SV2C: variants seen among roughly 807,000 people sequenced by gnomAD.
SV2C encodes the protein synaptic vesicle glycoprotein 2C, also known as solute carrier family 22 member B3.
In SV2C, 49 loss-of-function variants were observed where a neutral mutation model predicts 79.7. That is an observed-to-expected ratio of 0.61 (90% CI 0.49 to 0.78). The LOEUF (loss-of-function observed/expected upper bound fraction) is 0.78. Among genes scored for constraint, SV2C ranks in the 30% least tolerant of loss-of-function variants. SV2C has a pLI of 0.00. For synonymous variants in SV2C, 334 were observed against 333.2 expected (o/e 1.00, Z -0.03); for missense variants, 833 against 912.9 (o/e 0.91, Z 1.13).
intron 4 of SV2C, among the ~76,000 whole-genome samples, chr5:76,249,988 G>A (rs1746064549): frequency 6.6e-6 from 1 of 152,192 alleles, no homozygotes; most frequent in Non-Finnish European, 1.5e-5. Context: ...CTGAACGTTT[G>A]CTTTGTGGAA....
intron 12 of SV2C, among the ~76,000 whole-genome samples, chr5:76,305,336 T>C (rs533404166): frequency 6.6e-6 from 1 of 152,186 alleles, no homozygotes; most frequent in East Asian, 1.9e-4. Context: ...ATAGGACACA[T>C]CTTCTTCTAC....
At chr5:76,012,090 G>A in the SV2C span, among the ~76,000 whole-genome samples, 6 of 152,198 alleles carry the variant, frequency 3.9e-5, no homozygotes, top group African/African-American at 7.2e-5. Context: ...TGTCTTTATA[G>A]TAGAATGAGT....
chr5:76,200,850 A>C (rs183477481), intron 3 of SV2C, among the ~76,000 whole-genome samples: 142 of 152,270 alleles, frequency 9.3e-4, no homozygotes, highest in Middle Eastern at 3.4e-3. Flanking sequence ...CTATGTTGCC[A>C]AGGCTGGTTT....
At chr5:76,180,071 C>T (rs1468624963) in intron 2 of SV2C, among the ~76,000 whole-genome samples, 1 of 152,178 alleles carries the variant, frequency 6.6e-6, no homozygotes, top group Non-Finnish European at 1.5e-5. Flanking sequence ...GTTTTCCTGC[C>T]ATACACAATC....
rs1445573650 is a variant in SV2C at position 76,330,824 on chromosome 5, T to C, written c.*5277T>C. 7.8e-6 allele frequency: 1 copy of C among 127,550 alleles called. No homozygotes were observed. Among genetic ancestry groups the C allele is most frequent in the Non-Finnish European group, 1.6e-5 (1 of 64,238 alleles). 7.9% of individuals were successfully genotyped at this position (127,550 alleles called of 1,614,324 possible). On this transcript the variant is annotated 3_prime_UTR_variant, in exon 13 of 13. Transcript: ENST00000502798. ...CAAGGAAAAGAATCAGGAGCAGAGA[T>C]AGCCCCATCTCTCTAGAGCATTTTT...
chr5:76,168,926 G>A (rs1293625769), intron 2 of SV2C, among the ~76,000 whole-genome samples: 1 of 152,032 alleles, frequency 6.6e-6, no homozygotes, highest in East Asian at 1.9e-4. Context: ...ATTTATCCTG[G>A]GGATCTCATT....
At chr5:75,876,196 A>G in the SV2C span, among the ~76,000 whole-genome samples, 1 of 152,198 alleles carries the variant, frequency 6.6e-6, no homozygotes, top group Non-Finnish European at 1.5e-5. Flanking sequence ...CAGATTGCAT[A>G]AAGAAAACAT....
chr5:76,346,642 T>C (rs1749549931), intron 12 of SV2C, among the ~76,000 whole-genome samples: 1 of 152,248 alleles, frequency 6.6e-6, no homozygotes, highest in Admixed American at 6.5e-5. Flanking sequence ...GATTAATGCA[T>C]GTATATATTT....
chr5:76,022,650 C>G, the SV2C span, among the ~76,000 whole-genome samples: 1 of 152,194 alleles, frequency 6.6e-6, no homozygotes, highest in Admixed American at 6.5e-5. Context: ...ATTCTCAAAG[C>G]TGTCTGCACC....
At chr5:76,347,212 A>G (rs6864385) in intron 12 of SV2C, among the ~76,000 whole-genome samples, 8,488 of 152,046 alleles carry the variant, frequency 0.056, 505 homozygotes, top group African/African-American at 0.15. Flanking sequence ...GGGCCTTTTT[A>G]CCCCCATTTG....
At chr5:76,268,463 G>A (rs143679688) in intron 4 of SV2C, among the ~76,000 whole-genome samples, 1 of 152,284 alleles carries the variant, frequency 6.6e-6, no homozygotes, top group Middle Eastern at 3.4e-3. Flanking sequence ...GTGTGGGCCC[G>A]TCCCGCTGCA....
At chr5:75,914,341 T>G in the SV2C span, among the ~76,000 whole-genome samples, 1 of 152,238 alleles carries the variant, frequency 6.6e-6, no homozygotes, top group Non-Finnish European at 1.5e-5. Context: ...CATACCCATA[T>G]TTTGTCAGTT....
chr5:76,033,883 T>G, the SV2C span, among the ~76,000 whole-genome samples: 1 of 151,684 alleles, frequency 6.6e-6, no homozygotes, highest in Non-Finnish European at 1.5e-5. Context: ...CCCATGAGCA[T>G]GGAATGTTCT....
chr5:76,028,830 C>T, the SV2C span, among the ~76,000 whole-genome samples: 12 of 152,286 alleles, frequency 7.9e-5, no homozygotes, highest in African/African-American at 2.9e-4. Flanking sequence ...TCTTTGCTCT[C>T]AGTTGTGACA....
chr5:75,895,014 T>C, the SV2C span, among the ~76,000 whole-genome samples: 1 of 152,084 alleles, frequency 6.6e-6, no homozygotes, highest in African/African-American at 2.4e-5. Context: ...ATTTCATACA[T>C]TAAAGAAAAT....
At chr5:75,857,208 C>T in the SV2C span, among the ~76,000 whole-genome samples, 2 of 152,088 alleles carry the variant, frequency 1.3e-5, no homozygotes, top group African/African-American at 2.4e-5. Context: ...CCGCCTGCCT[C>T]GGCCTCCCAA....
intron 1 of SV2C, among the ~76,000 whole-genome samples, chr5:76,116,453 G>A (rs1254391929): frequency 6.6e-6 from 1 of 152,184 alleles, no homozygotes; most frequent in Non-Finnish European, 1.5e-5. Context: ...CAGAATTGTT[G>A]AGGGAAGTCC....
At chr5:76,250,966 G>A (rs1746096856) in intron 4 of SV2C, among the ~76,000 whole-genome samples, 1 of 152,036 alleles carries the variant, frequency 6.6e-6, no homozygotes, top group South Asian at 2.1e-4. Context: ...AAACTACCAG[G>A]TAGACCCCAC....
intron 1 of SV2C, among the ~76,000 whole-genome samples, chr5:76,087,178 A>C (rs932971995): frequency 1.3e-5 from 2 of 152,262 alleles, no homozygotes; most frequent in Non-Finnish European, 2.9e-5. Context: ...TTATGCCATT[A>C]GATGTATGAA....
Sources: gnomAD v4.1 joint callset for allele counts (sites outside exome capture counted in the v4.1 genomes callset) on GRCh38, gnomAD v4.1.1 for gene constraint, MANE v1.5 for transcripts, NCBI Gene and HGNC (gene_info 2026-07-23, HGNC 2026-07-21) for gene names.